Variants in PROM1 observed in about 807,000 individuals in gnomAD.
PROM1 encodes prominin-1.
PROM1 carries 105 observed loss-of-function variants against 116.9 expected under a neutral mutation model. The observed-to-expected ratio is 0.90, with a 90% confidence interval of 0.77 to 1.06. The LOEUF (loss-of-function observed/expected upper bound fraction) is 1.06, where lower values mean the gene tolerates loss of function less well. Among genes scored for constraint, PROM1 ranks in the 50% least tolerant of loss-of-function variants. The pLI is 0.00. For synonymous variants in PROM1, 393 were observed against 387.0 expected (o/e 1.02, Z -0.18); for missense variants, 1,122 against 1,045.2 (o/e 1.07, Z -1.01).
intron 3 of PROM1, among the ~76,000 whole-genome samples, chr4:16,036,199 C>T (rs557488916): frequency 5.3e-5 from 8 of 152,296 alleles, no homozygotes; most frequent in South Asian, 2.1e-4. Context: ...ATGCTTAAAG[C>T]GATCAACGGA....
chr4:16,007,086 A>G lies in PROM1; in HGVS notation c.1302-396T>C, dbSNP rs6846622. Among the ~76,000 whole-genome samples the G allele has an allele frequency of 5.5e-3, 838 of 152,306 alleles. 9 individuals carry two copies. The highest frequency in any genetic ancestry group is 0.019 in the African/African-American group (794 of 41,560). ...CTCTGATGTTCTAAGTGCCTATTATAATAATGAAGGCATATGGCTAGATCA... is the reference window on the plus strand; with the variant it reads ...CTCTGATGTTCTAAGTGCCTATTATGATAATGAAGGCATATGGCTAGATCA... On this transcript the variant is annotated intron_variant, in intron 12 of 27. Transcript: ENST00000447510.
At chr4:15,996,852 A>G (rs1163120170) in intron 15 of PROM1, among the ~76,000 whole-genome samples, 4 of 152,178 alleles carry the variant, frequency 2.6e-5, no homozygotes, top group Non-Finnish European at 5.9e-5. Flanking sequence ...GTTCACGTGT[A>G]GGGCATGGAA....
At chr4:16,052,798 G>A (rs1227313430) in intron 2 of PROM1, among the ~76,000 whole-genome samples, 1 of 152,144 alleles carries the variant, frequency 6.6e-6, no homozygotes, top group Non-Finnish European at 1.5e-5. Flanking sequence ...ATTTATTAAG[G>A]CAAGAATAAC....
At chr4:16,047,529 C>T (rs1260080954) in intron 2 of PROM1, among the ~76,000 whole-genome samples, 2 of 152,166 alleles carry the variant, frequency 1.3e-5, no homozygotes, top group African/African-American at 2.4e-5. Context: ...CTGGCCGGTA[C>T]TGCCTTTCAT....
chr4:15,997,424 AG>A (rs1009224469), intron 15 of PROM1, among the ~76,000 whole-genome samples: 5 of 150,004 alleles, frequency 3.3e-5, no homozygotes, highest in African/African-American at 1.2e-4. Flanking sequence ...ACATCACCTG[AG>A]GTCAGGAGTT....
At chr4:16,068,939 T>TA (rs948362286) in intron 2 of PROM1, among the ~76,000 whole-genome samples, 14 of 152,212 alleles carry the variant, frequency 9.2e-5, no homozygotes, top group African/African-American at 3.4e-4. Context: ...AATCTAAATT[T>TA]AAAAACATAC....
At chr4:15,989,907 C>T in intron 18 of PROM1, 83 bp from the exon 19 acceptor site, 1 of 1,095,218 alleles carries the variant, frequency 9.1e-7, no homozygotes, top group South Asian at 1.4e-5. Flanking sequence ...CCCTGTGTAG[C>T]CAGGAGGGCT....
At chr4:16,015,672 AG>A (rs1171116659) in intron 10 of PROM1, among the ~76,000 whole-genome samples, 1 of 152,082 alleles carries the variant, frequency 6.6e-6, no homozygotes, top group East Asian at 1.9e-4. Flanking sequence ...CCTGGGTGAC[AG>A]AGGGGGATTC....
intron 2 of PROM1, among the ~76,000 whole-genome samples, chr4:16,040,337 G>A (rs1734936042): frequency 6.6e-6 from 1 of 152,118 alleles, no homozygotes; most frequent in South Asian, 2.1e-4. Context: ...AGTACCTCGG[G>A]GGCTGCCCAA....
chr4:16,051,136 A>T (rs1342981483), intron 2 of PROM1, among the ~76,000 whole-genome samples: 1 of 152,262 alleles, frequency 6.6e-6, no homozygotes, highest in Non-Finnish European at 1.5e-5. Context: ...ATATCCAACT[A>T]CTAAGTGAAG....
intron 8 of PROM1, 66 bp from the exon 9 acceptor site, chr4:16,018,606 T>C: frequency 1.4e-6 from 2 of 1,420,488 alleles, no homozygotes; most frequent in Non-Finnish European, 1.9e-6. Flanking sequence ...AAAGTGTGTC[T>C]AAAGGGACTT....
intron 11 of PROM1, among the ~76,000 whole-genome samples, chr4:16,010,964 A>C (rs1317537870): frequency 6.6e-6 from 1 of 152,060 alleles, no homozygotes; most frequent in African/African-American, 2.4e-5. Flanking sequence ...GTGTGTGAAA[A>C]CACCTGAGGA....
chr4:16,080,859 G>A (rs1442238905), intron 1 of PROM1, among the ~76,000 whole-genome samples: 2 of 152,134 alleles, frequency 1.3e-5, no homozygotes, highest in Non-Finnish European at 2.9e-5. Flanking sequence ...ATTCATTCCA[G>A]CAATGATGGC....
intron 14 of PROM1, among the ~76,000 whole-genome samples, chr4:16,000,247 T>C (rs1355507869): frequency 6.6e-6 from 1 of 152,244 alleles, no homozygotes; most frequent in East Asian, 1.9e-4. Context: ...CTTTAACTCC[T>C]GACCCTGATT....
intron 2 of PROM1, chr4:16,055,380 T>C (rs1343737319): frequency 2.2e-6 from 1 of 456,158 alleles, no homozygotes; most frequent in African/African-American, 2.0e-5. Flanking sequence ...TTCGTTATCC[T>C]ACCAGCTCTC....
intron 2 of PROM1, among the ~76,000 whole-genome samples, chr4:16,058,560 T>C (rs2149498844): frequency 6.6e-6 from 1 of 151,534 alleles, no homozygotes; most frequent in Non-Finnish European, 1.5e-5. Context: ...GGCAGGAGAA[T>C]TGCCTGAACC....
intron 12 of PROM1, 109 bp downstream of exon 12, chr4:16,008,840 C>T: frequency 1.8e-6 from 2 of 1,087,206 alleles, no homozygotes; most frequent in African/African-American, 1.6e-5. Flanking sequence ...GTCATGGCCT[C>T]CTTGTACAAT....
chr4:16,073,858 T>G (rs1743366359), intron 2 of PROM1, among the ~76,000 whole-genome samples: 3 of 152,130 alleles, frequency 2.0e-5, no homozygotes, highest in Non-Finnish European at 4.4e-5. Flanking sequence ...ATGAAGACCT[T>G]AAAATACATT....
At chr4:16,046,768 G>C (rs944709933) in intron 2 of PROM1, among the ~76,000 whole-genome samples, 7 of 152,164 alleles carry the variant, frequency 4.6e-5, no homozygotes, top group Admixed American at 3.9e-4. Flanking sequence ...TCGACTCACG[G>C]AATCACACTG....
Sources: allele counts gnomAD v4.1 joint callset (sites outside exome capture counted in the v4.1 genomes callset), GRCh38; gene constraint gnomAD v4.1.1; transcripts MANE v1.5; gene names NCBI Gene and HGNC (gene_info 2026-07-23, HGNC 2026-07-21).